The following NCOA1 variants were observed in gnomAD, a reference collection of about 807,000 sequenced individuals.
NCOA1 encodes Hin-2 protein.
A neutral mutation model predicts 150.9 loss-of-function variants in NCOA1; 35 were observed. That is an observed-to-expected ratio of 0.23 (90% CI 0.18 to 0.31). The LOEUF (loss-of-function observed/expected upper bound fraction) is 0.31. NCOA1 is among the 10% of genes least tolerant of loss of function. The probability of loss-of-function intolerance (pLI) is 1.00; values close to 1 mark genes in which losing one functional copy is unlikely to be tolerated. For missense variants in NCOA1, 1,491 were observed against 1,749.3 expected (o/e 0.85, Z 2.63); for synonymous variants, 590 against 630.0 (o/e 0.94, Z 0.95).
chr2:24,509,349 C>T, intron 1 of NCOA1, among the ~76,000 whole-genome samples: 1 of 152,166 alleles, frequency 6.6e-6, no homozygotes, highest in Non-Finnish European at 1.5e-5. Flanking sequence ...CTTTGTTCTT[C>T]TATATCTGTA....
intron 3 of NCOA1, among the ~76,000 whole-genome samples, chr2:24,633,988 A>G (rs1669820692): frequency 6.6e-6 from 1 of 152,236 alleles, no homozygotes; most frequent in South Asian, 2.1e-4. Context: ...TCACATACAC[A>G]TATGAACAGA....
chr2:24,622,525 T>C (rs2148411321), intron 3 of NCOA1, among the ~76,000 whole-genome samples: 1 of 152,330 alleles, frequency 6.6e-6, no homozygotes, highest in Middle Eastern at 3.4e-3. Flanking sequence ...TCTTAGAAGA[T>C]AGATTGTGCA....
rs1662946749 is a variant in NCOA1, at chr2:24,491,438, C to A, written c.-560C>A. Among the ~76,000 whole-genome samples, 1 of 26,304 alleles carries A rather than the reference C, an allele frequency of 3.8e-5. No homozygotes were observed. Among genetic ancestry groups the A allele is most frequent in the South Asian group, 1.3e-3 (1 of 778 alleles). 17.3% of individuals were successfully genotyped at this position (26,304 alleles called of 152,430 possible). On this transcript the variant is annotated 5_prime_UTR_variant, in exon 1 of 23. Coordinates refer to ENST00000348332, the MANE Select transcript of NCOA1 (RefSeq NM_003743.5). Reference sequence around the variant, plus strand: ...CTGCTCCCTCGAGCGGAGCCTGCGTCAGGTTCCCTCTGCATCCCCCTGCGG... The same window carrying A: ...CTGCTCCCTCGAGCGGAGCCTGCGTAAGGTTCCCTCTGCATCCCCCTGCGG...
chr2:24,728,553 G>GCA, intron 16 of NCOA1, 77 bp downstream of exon 16: 4 of 1,295,496 alleles, frequency 3.1e-6, no homozygotes, highest in African/African-American at 1.5e-5. Flanking sequence ...AGATTTTAAA[G>GCA]TATTGTACCC....
chr2:24,646,498 G>C (rs1339647274), intron 4 of NCOA1, among the ~76,000 whole-genome samples: 4 of 152,050 alleles, frequency 2.6e-5, no homozygotes, highest in African/African-American at 9.7e-5. Context: ...TGTCACATTT[G>C]TTTGGTTTCC....
At position 24,711,189 on chromosome 2, in the gene NCOA1, C is replaced by A. The variant is rs558097405; in HGVS notation, c.2599+78C>A. The A allele has an allele frequency of 1.3e-5, 18 of 1,363,480 alleles. No homozygotes were observed. In the East Asian group the frequency reaches 3.7e-4, roughly 28 times the overall value. The allele number at this position is 1,363,480 out of a possible 1,614,324, so 84.5% of individuals were successfully genotyped here. On this transcript the variant is annotated intron_variant, in intron 14 of 22. Coordinates refer to ENST00000348332, the MANE Select transcript of NCOA1 (RefSeq NM_003743.5). ...AGCATTTTGTCTCTCACCAGTATTA[C>A]ACAGATCCTTTGCTTAAGAGTGAAA...
intron 20 of NCOA1, among the ~76,000 whole-genome samples, chr2:24,753,189 A>G (rs1009580158): frequency 6.6e-6 from 1 of 152,114 alleles, no homozygotes; most frequent in African/African-American, 2.4e-5. Flanking sequence ...TTCTAATCCC[A>G]ACTTCCTAAA....
At chr2:24,539,132 T>TCCC (rs1273511237) in intron 1 of NCOA1, among the ~76,000 whole-genome samples, 4 of 143,956 alleles carry the variant, frequency 2.8e-5, no homozygotes, top group Non-Finnish European at 6.2e-5. Flanking sequence ...GGTGAGTTTT[T>TCCC]TCCCCCCCAT....
In NCOA1 at chr2:24,665,763, G is replaced by T. The variant is rs1212938561; in HGVS notation, c.104G>T (p.Arg35Leu). 28 of 1,576,244 alleles carry T rather than the reference G, an allele frequency of 1.8e-5. No individual in the cohort carries two copies. The highest frequency in any genetic ancestry group is 2.2e-5 in the Non-Finnish European group (25 of 1,159,538). Residue 35 changes from arginine (R) to leucine (L), a missense_variant, in exon 6 of 23, where the codon CGC (arginine) becomes CTC (leucine). Physicochemically the swap from Arg to Leu is moderately radical, Grantham distance 102. This residue lies in a region of NCOA1 where 80 missense variants were observed against 163.0 expected (regional missense o/e 0.49). Coordinates refer to ENST00000348332, the MANE Select transcript of NCOA1 (RefSeq NM_003743.5). ...DTLASSTEKR[R>L]REQENKYLEE... ...TTGTGTAACAGCACGGAAAAGAGGC[G>T]CAGGGAGCAAGAAAATAAATATTTA... is the stretch of plus-strand genomic sequence containing the variant.
chr2:24,559,663 G>A (rs1186041052), intron 1 of NCOA1, among the ~76,000 whole-genome samples: 1 of 152,014 alleles, frequency 6.6e-6, no homozygotes, highest in Non-Finnish European at 1.5e-5. Flanking sequence ...TCCATGTTTT[G>A]TGGTAGGTCA....
chr2:24,595,383 A>G (rs901908318), intron 3 of NCOA1, among the ~76,000 whole-genome samples: 2 of 152,080 alleles, frequency 1.3e-5, no homozygotes, highest in African/African-American at 4.8e-5. Context: ...ATTAAATCTG[A>G]TATTATATAT....
intron 3 of NCOA1, among the ~76,000 whole-genome samples, chr2:24,608,140 C>G (rs1401551822): frequency 6.6e-6 from 1 of 151,488 alleles, no homozygotes; most frequent in Non-Finnish European, 1.5e-5. Context: ...CTTTTCATGT[C>G]TTTTTGTGTC....
intron 5 of NCOA1, among the ~76,000 whole-genome samples, chr2:24,662,821 T>C (rs1671243801): frequency 6.6e-6 from 1 of 151,896 alleles, no homozygotes; most frequent in Admixed American, 6.6e-5. Context: ...AGGATCTCAT[T>C]CTATTGCCCA....
chr2:24,720,672 G>T (rs142443939), intron 14 of NCOA1, among the ~76,000 whole-genome samples: 348 of 152,136 alleles, frequency 2.3e-3, no homozygotes, highest in Admixed American at 6.0e-3. Flanking sequence ...AACAAGTTGG[G>T]TGTGAAAAAG....
At chr2:24,512,764 A>G (rs1663987580) in intron 1 of NCOA1, among the ~76,000 whole-genome samples, 1 of 152,186 alleles carries the variant, frequency 6.6e-6, no homozygotes, top group Non-Finnish European at 1.5e-5. Flanking sequence ...AGAGTTTCTA[A>G]GTGCATCTCC....
intron 13 of NCOA1, 86 bp downstream of exon 13, chr2:24,707,974 A>C: frequency 7.0e-7 from 1 of 1,435,102 alleles, no homozygotes; most frequent in Non-Finnish European, 9.3e-7. Flanking sequence ...CCAGATATGA[A>C]TTCATACTAT....
At chr2:24,626,830 A>C (rs1258155809) in intron 3 of NCOA1, among the ~76,000 whole-genome samples, 1 of 152,128 alleles carries the variant, frequency 6.6e-6, no homozygotes, top group Non-Finnish European at 1.5e-5. Flanking sequence ...ACTCTTCTTA[A>C]TCACTATTCT....
At chr2:24,712,773 G>A (rs1673810402) in intron 14 of NCOA1, among the ~76,000 whole-genome samples, 6 of 150,904 alleles carry the variant, frequency 4.0e-5, no homozygotes, top group Admixed American at 3.3e-4. Flanking sequence ...TTGGAAATTA[G>A]GTATCCAACT....
chr2:24,611,745 C>T (rs568173534), intron 3 of NCOA1, among the ~76,000 whole-genome samples: 1 of 152,172 alleles, frequency 6.6e-6, no homozygotes, highest in Non-Finnish European at 1.5e-5. Flanking sequence ...AACCCCTGCT[C>T]CTTTTTATTT....
Sources: allele counts gnomAD v4.1 joint callset (sites outside exome capture counted in the v4.1 genomes callset), GRCh38; gene constraint gnomAD v4.1.1; regional missense constraint gnomAD v4.1.1; transcripts MANE v1.5; gene names NCBI Gene and HGNC (gene_info 2026-07-23, HGNC 2026-07-21).